Variants in CDH18 observed in about 807,000 individuals in gnomAD.
CDH18 encodes the protein cadherin-18.
A neutral mutation model predicts 67.9 loss-of-function variants in CDH18; 31 were observed. The ratio of observed to expected loss-of-function variants is 0.46; its 90% confidence interval spans 0.34 to 0.62. The LOEUF is 0.62. Among genes scored for constraint, CDH18 ranks in the 20% least tolerant of loss-of-function variants. The probability of loss-of-function intolerance (pLI) is 0.01; values close to 1 mark genes in which losing one functional copy is unlikely to be tolerated. For synonymous variants in CDH18, 362 were observed against 347.2 expected, an observed-to-expected ratio of 1.04 and a Z score of -0.48; for missense variants, 890 against 975.5, an observed-to-expected ratio of 0.91 and a Z score of 1.17.
chr5:19,826,970 C>G, intron 3 of CDH18, among the ~76,000 whole-genome samples: 1 of 152,214 alleles, frequency 6.6e-6, no homozygotes, highest in East Asian at 1.9e-4. Context: ...CAACTCCACG[C>G]AGTCAAGAAG....
rs530778791 is a variant in CDH18 at position 20,116,515 on chromosome 5, TA to T, written c.-517-124502del. On this transcript the variant is annotated intron_variant, in intron 2 of 14. Transcript: ENST00000507958. ...TGGGTGACAGAGAGAGACTCCCTCT[TA>T]AAAAAAAAAAAATTAAACTGTTCAT... Among the ~76,000 whole-genome samples, 1,417 of 143,280 alleles carry T rather than the reference TA, an allele frequency of 9.9e-3. 18 individuals carry two copies. The highest frequency in any genetic ancestry group is 0.029 in the African/African-American group (1,157 of 39,358). 94.0% of individuals were successfully genotyped at this position (143,280 alleles called of 152,430 possible).
intron 1 of CDH18, among the ~76,000 whole-genome samples, chr5:20,425,051 G>T (rs961958138): frequency 6.0e-5 from 9 of 150,848 alleles, no homozygotes; most frequent in South Asian, 2.1e-4. Flanking sequence ...TAATATGAAA[G>T]ACTTAGTCTT....
At chr5:20,437,640 C>T (rs989292609) in intron 1 of CDH18, among the ~76,000 whole-genome samples, 15 of 151,156 alleles carry the variant, frequency 9.9e-5, no homozygotes, top group South Asian at 2.1e-4. Flanking sequence ...AAGTGAATAG[C>T]CTTAAAATAA....
At chr5:20,389,109 T>G (rs920701679) in intron 1 of CDH18, among the ~76,000 whole-genome samples, 1 of 152,116 alleles carries the variant, frequency 6.6e-6, no homozygotes, top group Non-Finnish European at 1.5e-5. Flanking sequence ...GATATCCTTG[T>G]TAACTTTCTG....
intron 2 of CDH18, among the ~76,000 whole-genome samples, chr5:19,912,529 G>C: frequency 6.6e-6 from 1 of 152,126 alleles, no homozygotes; most frequent in South Asian, 2.1e-4. Context: ...TCATCTACTA[G>C]TTTGTCTATT....
At chr5:20,462,414 G>T (rs1038122897) in intron 1 of CDH18, among the ~76,000 whole-genome samples, 1 of 152,118 alleles carries the variant, frequency 6.6e-6, no homozygotes, top group East Asian at 1.9e-4. Context: ...GAAGATACAA[G>T]TTCTAATGTT....
At chr5:20,284,111 C>T (rs908734933) in intron 1 of CDH18, among the ~76,000 whole-genome samples, 3 of 151,622 alleles carry the variant, frequency 2.0e-5, no homozygotes, top group African/African-American at 7.3e-5. Context: ...GGGATGGTAG[C>T]GGGGAGTGGG....
chr5:19,874,451 C>G (rs1304192474), intron 2 of CDH18, among the ~76,000 whole-genome samples: 1 of 152,144 alleles, frequency 6.6e-6, no homozygotes, highest in African/African-American at 2.4e-5. Flanking sequence ...TCTATAGTAA[C>G]CATCCTAACA....
In CDH18 at chr5:20,351,191, T is replaced by TGCGC. The variant is rs55754905; in HGVS notation, c.-579-95687_-579-95686insGCGC. Among the ~76,000 whole-genome samples the TGCGC allele has an allele frequency of 3.3e-3, 493 of 148,762 alleles. 3 individuals are homozygous for TGCGC. Among genetic ancestry groups the TGCGC allele is most frequent in the African/African-American group, 0.01 (423 of 40,628 alleles). On this transcript the variant is annotated intron_variant, in intron 1 of 14. Transcript: ENST00000507958. ...GTGTGTGTGTGTGTGTGTGTGTGTG[T>TGCGC]GCGTGTGTGTTATTGCTTATTTTGT...
At chr5:19,972,426 T>A (rs1176958623) in intron 2 of CDH18, among the ~76,000 whole-genome samples, 1 of 152,058 alleles carries the variant, frequency 6.6e-6, no homozygotes, top group African/African-American at 2.4e-5. Flanking sequence ...TGGTAAAAGT[T>A]GTTTTCAAAC....
intron 1 of CDH18, among the ~76,000 whole-genome samples, chr5:20,308,874 T>G (rs1428443338): frequency 6.6e-6 from 1 of 152,188 alleles, no homozygotes; most frequent in Admixed American, 6.5e-5. Context: ...TCATCTGGCA[T>G]TTTGTTGTAT....
chr5:20,172,238 A>ATATATG (rs1554098805), intron 2 of CDH18, among the ~76,000 whole-genome samples: 3 of 118,936 alleles, frequency 2.5e-5, no homozygotes, highest in African/African-American at 1.1e-4. Context: ...ATATATATAT[A>ATATATG]TGTATATATA....
intron 1 of CDH18, among the ~76,000 whole-genome samples, chr5:20,372,129 C>T (rs887938399): frequency 3.9e-5 from 6 of 152,170 alleles, no homozygotes; most frequent in African/African-American, 1.4e-4. Context: ...CTTTAGTTTA[C>T]GCTTTTAAGC....
At chr5:20,426,909 C>G (rs1748345802) in intron 1 of CDH18, among the ~76,000 whole-genome samples, 1 of 151,068 alleles carries the variant, frequency 6.6e-6, no homozygotes, top group South Asian at 2.1e-4. Flanking sequence ...AGATATTTCA[C>G]TCCTTGAAAA....
chr5:20,561,856 GTCT>G (rs1157217706), intron 1 of CDH18, among the ~76,000 whole-genome samples: 2 of 151,692 alleles, frequency 1.3e-5, no homozygotes, highest in Non-Finnish European at 2.9e-5. Flanking sequence ...ACCTCGTAAT[GTCT>G]TCATTATTAA....
At chr5:19,599,865 C>T (rs1010565613) in intron 6 of CDH18, among the ~76,000 whole-genome samples, 2 of 151,992 alleles carry the variant, frequency 1.3e-5, no homozygotes, top group East Asian at 1.9e-4. Flanking sequence ...CCAGCCTGGG[C>T]GACAGAGCGA....
intron 2 of CDH18, among the ~76,000 whole-genome samples, chr5:20,253,282 A>G (rs1468572118): frequency 6.6e-6 from 1 of 152,212 alleles, no homozygotes; most frequent in East Asian, 1.9e-4. Flanking sequence ...CATACACCAC[A>G]GGTAAAGAAA....
chr5:19,738,115 TTTTA>T (rs1424212281), intron 4 of CDH18, among the ~76,000 whole-genome samples: 1 of 152,184 alleles, frequency 6.6e-6, no homozygotes, highest in East Asian at 1.9e-4. Flanking sequence ...TCTATACATA[TTTTA>T]TTTATTACCT....
intron 5 of CDH18, among the ~76,000 whole-genome samples, chr5:19,674,714 T>G (rs181033570): frequency 2.0e-3 from 299 of 152,274 alleles, no homozygotes; most frequent in Non-Finnish European, 3.4e-3. Flanking sequence ...TATTGTTGAT[T>G]TGAAAAGTCT....
Sources: gnomAD v4.1 joint callset for allele counts (sites outside exome capture counted in the v4.1 genomes callset) on GRCh38, gnomAD v4.1.1 for gene constraint, MANE v1.5 for transcripts, NCBI Gene and HGNC (gene_info 2026-07-23, HGNC 2026-07-21) for gene names.